PPP2R2C: variants seen among roughly 807,000 people sequenced by gnomAD.
The protein encoded by PPP2R2C is protein phosphatase 2, regulatory subunit B, gamma.
Under a neutral mutation model 45.3 loss-of-function variants are expected in PPP2R2C, and 10 were observed. That is an observed-to-expected ratio of 0.22 (90% CI 0.14 to 0.37). PPP2R2C has a LOEUF of 0.37. PPP2R2C is among the 10% of genes least tolerant of loss of function. The pLI is 1.00. For missense variants in PPP2R2C, 308 were observed against 619.7 expected, an observed-to-expected ratio of 0.50 and a Z score of 5.34; for synonymous variants, 257 against 245.4, an observed-to-expected ratio of 1.05 and a Z score of -0.44.
intron 2 of PPP2R2C, among the ~76,000 whole-genome samples, chr4:6,482,527 T>C (rs1375715294): frequency 6.6e-6 from 1 of 152,232 alleles, no homozygotes; most frequent in Non-Finnish European, 1.5e-5. Flanking sequence ...ATTTGCCCCT[T>C]CTTACATGTT....
intron 2 of PPP2R2C, among the ~76,000 whole-genome samples, chr4:6,534,686 C>T (rs541755946): frequency 3.3e-5 from 5 of 152,182 alleles, no homozygotes; most frequent in African/African-American, 4.8e-5. Flanking sequence ...CCCCCCAACA[C>T]GCACGGCCCG....
At chr4:6,423,354 C>A (rs1719095666) in intron 1 of PPP2R2C, among the ~76,000 whole-genome samples, 1 of 152,194 alleles carries the variant, frequency 6.6e-6, no homozygotes. Flanking sequence ...CAGGTGCACA[C>A]CACCACGCCC....
chr4:6,506,565 A>T (rs945358263), intron 2 of PPP2R2C, among the ~76,000 whole-genome samples: 4 of 152,228 alleles, frequency 2.6e-5, no homozygotes, highest in Admixed American at 2.0e-4. Flanking sequence ...TCAGTCATGA[A>T]AATATCCAGG....
intron 6 of PPP2R2C, 48 bp from the exon 7 acceptor site, chr4:6,333,779 T>C (rs746618415): frequency 6.2e-6 from 10 of 1,606,878 alleles, no homozygotes; most frequent in African/African-American, 5.3e-5. Flanking sequence ...CTCCCGCCCA[T>C]GGGGTTGGCA....
At chr4:6,323,671 C>T (rs1010984799) in intron 8 of PPP2R2C, 78 bp from the exon 9 acceptor site, 1 of 1,382,782 alleles carries the variant, frequency 7.2e-7, no homozygotes, top group Non-Finnish European at 9.5e-7. Flanking sequence ...TGTGGGGGCT[C>T]ACGCCCATAA....
intron 2 of PPP2R2C, among the ~76,000 whole-genome samples, chr4:6,534,149 C>A (rs1034098365): frequency 1.3e-5 from 2 of 151,120 alleles, no homozygotes; most frequent in Non-Finnish European, 3.0e-5. Context: ...CACACACCAA[C>A]ATACACACAC....
At chr4:6,527,706 G>GC (rs1178230762) in intron 2 of PPP2R2C, among the ~76,000 whole-genome samples, 2 of 151,946 alleles carry the variant, frequency 1.3e-5, no homozygotes, top group African/African-American at 4.8e-5. Context: ...AATTTTCCAG[G>GC]CCCGGTGCAA....
At chr4:6,493,072 C>T (rs1447203936) in intron 2 of PPP2R2C, among the ~76,000 whole-genome samples, 6 of 152,060 alleles carry the variant, frequency 3.9e-5, no homozygotes, top group Non-Finnish European at 8.8e-5. Flanking sequence ...CTATTTCCTC[C>T]CCTGGGCCAT....
Position 6,345,318 on chromosome 4 carries a change from G to A in PPP2R2C, c.790+2528C>T, listed in dbSNP as rs1327515160. On this transcript the variant is annotated intron_variant, in intron 6 of 8. Coordinates refer to ENST00000382599, the MANE Select transcript of PPP2R2C (RefSeq NM_020416.4). This position sits in a 1 kb window ranked among gnomAD's most constrained non-coding sequence, Gnocchi z 5.3. Reference sequence around the variant, plus strand: ...AATGGGCGGGAGGCGTAGGTGGGGGGGCAGTGTCCTGTAGTAGGCGGTGGA... The same window carrying A: ...AATGGGCGGGAGGCGTAGGTGGGGGAGCAGTGTCCTGTAGTAGGCGGTGGA... 2.0e-5 allele frequency among the ~76,000 whole-genome samples: 3 copies of A among 152,308 alleles called. No homozygotes were observed. Among genetic ancestry groups the A allele is most frequent in the Non-Finnish European group, 4.4e-5 (3 of 68,032 alleles).
rs1732505819 is a variant in PPP2R2C, at chr4:6,332,733, A to G, written c.960+829T>C. Among the ~76,000 whole-genome samples, 1 of 152,256 alleles carries G rather than the reference A, an allele frequency of 6.6e-6. No individual in the cohort carries two copies. The highest frequency in any genetic ancestry group is 2.1e-4 in the South Asian group (1 of 4,816). ...TGATGGCTCCTTGTCACCGGACAGT[A>G]AAGAATGGAGGTGACAGATGTCAAG... On this transcript the variant is annotated intron_variant, in intron 7 of 8. Transcript: ENST00000382599. The surrounding 1 kb of genome is among the most constrained non-coding windows in gnomAD (Gnocchi z 4.9).
At chr4:6,386,643 G>A (rs1716232947) in intron 1 of PPP2R2C, among the ~76,000 whole-genome samples, 2 of 152,166 alleles carry the variant, frequency 1.3e-5, no homozygotes, top group Admixed American at 1.3e-4. Flanking sequence ...AAAATCTAGA[G>A]TCGCTCTTAT....
upstream of PPP2R2C, among the ~76,000 whole-genome samples, chr4:6,475,939 C>T (rs1722129122): frequency 6.6e-6 from 1 of 152,094 alleles, no homozygotes; most frequent in South Asian, 2.1e-4. Context: ...GAGATTAGTG[C>T]CCCTATAGGA....
chr4:6,367,497 C>CTTGT (rs1714435510), intron 5 of PPP2R2C, among the ~76,000 whole-genome samples: 1 of 152,148 alleles, frequency 6.6e-6, no homozygotes, highest in East Asian at 1.9e-4. Flanking sequence ...AGAACTGTCA[C>CTTGT]CCTCTGACAG....
At chr4:6,452,889 A>C (rs1029158927) in intron 1 of PPP2R2C, among the ~76,000 whole-genome samples, 6 of 152,226 alleles carry the variant, frequency 3.9e-5, no homozygotes, top group Non-Finnish European at 7.3e-5. Flanking sequence ...CTCCGTGATC[A>C]GCAGGCTTAC....
Position 6,348,023 on chromosome 4 carries a change from C to T in PPP2R2C, c.626-13G>A, listed in dbSNP as rs749075058. The stretch of plus-strand genomic sequence containing the variant: ...ATGTCCACGATGTCTGGGGGCAGTG[C>T]GGTCAAGGAAGGGGCAGTGAAGGGC... On this transcript the variant is annotated splice_polypyrimidine_tract_variant and intron_variant, in intron 5 of 8. Transcript: ENST00000382599. The T allele has an allele frequency of 5.6e-6, 9 of 1,612,326 alleles. No homozygotes were observed. Among genetic ancestry groups the T allele is most frequent in the Non-Finnish European group, 6.8e-6 (8 of 1,178,858 alleles).
At chr4:6,352,589 A>C (rs939135049) in intron 5 of PPP2R2C, among the ~76,000 whole-genome samples, 2 of 152,210 alleles carry the variant, frequency 1.3e-5, no homozygotes, top group African/African-American at 4.8e-5. Flanking sequence ...AGCATCTAAG[A>C]GTCATTTTCC....
chr4:6,538,195 C>T (rs1054637497), intron 1 of PPP2R2C, among the ~76,000 whole-genome samples: 11 of 152,094 alleles, frequency 7.2e-5, no homozygotes, highest in Admixed American at 2.6e-4. Context: ...CCCAACGGCC[C>T]ACTGAGGCGG....
At chr4:6,323,696 G>A in intron 8 of PPP2R2C, 103 bp from the exon 9 acceptor site, 1 of 1,249,138 alleles carries the variant, frequency 8.0e-7, no homozygotes, top group Admixed American at 3.1e-5. Flanking sequence ...AGGACTTTGG[G>A]AGGCCCCGGT....
chr4:6,553,967 G>T (rs991657942), intron 1 of PPP2R2C, among the ~76,000 whole-genome samples: 1 of 152,094 alleles, frequency 6.6e-6, no homozygotes, highest in Non-Finnish European at 1.5e-5. Flanking sequence ...GCTCCCTGAT[G>T]GAAGCCTTCC....
Sources: gnomAD v4.1 joint callset for allele counts (sites outside exome capture counted in the v4.1 genomes callset) on GRCh38, gnomAD v4.1.1 for gene constraint, Gnocchi (gnomAD v3.1) non-coding constraint, MANE v1.5 for transcripts, NCBI Gene and HGNC (gene_info 2026-07-23, HGNC 2026-07-21) for gene names.